Variants in DPP10 observed in about 807,000 individuals in gnomAD.
DPP10 encodes the protein dipeptidyl peptidase like 10, also known as inactive dipeptidyl peptidase 10.
Under a neutral mutation model 120.9 loss-of-function variants are expected in DPP10, and 33 were observed. The observed-to-expected ratio is 0.27, with a 90% CI of 0.21 to 0.37. The LOEUF (loss-of-function observed/expected upper bound fraction) is 0.37. DPP10 is among the 10% of genes least tolerant of loss of function. DPP10 has a pLI of 1.00. For synonymous variants in DPP10, 337 were observed against 326.1 expected (o/e 1.03, Z -0.36); for missense variants, 816 against 942.8 (o/e 0.87, Z 1.76).
chr2:114,524,552 G>A (rs1367907559), intron 1 of DPP10, among the ~76,000 whole-genome samples: 1 of 152,324 alleles, frequency 6.6e-6, no homozygotes, highest in South Asian at 2.1e-4. Context: ...AGAAAAAGAT[G>A]TATATATCAA....
intron 1 of DPP10, among the ~76,000 whole-genome samples, chr2:114,509,042 G>A (rs771241407): frequency 3.9e-5 from 6 of 152,150 alleles, no homozygotes; most frequent in Non-Finnish European, 8.8e-5. Context: ...GAGAAAGAGA[G>A]AGAGAGTGAA....
chr2:115,041,275 C>A (rs751548749), intron 1 of DPP10, among the ~76,000 whole-genome samples: 12 of 152,026 alleles, frequency 7.9e-5, no homozygotes, highest in Non-Finnish European at 1.8e-4. Flanking sequence ...ATACACCTGG[C>A]GAATGGAATT....
chr2:114,973,661 CAAAAAA>C (rs58042446), intron 1 of DPP10, among the ~76,000 whole-genome samples: 9 of 71,036 alleles, frequency 1.3e-4, no homozygotes, highest in African/African-American at 3.2e-4. Flanking sequence ...GACTCCGTCT[CAAAAAA>C]AAAAAAAAAA....
intron 1 of DPP10, among the ~76,000 whole-genome samples, chr2:114,968,153 C>A (rs1699163415): frequency 6.6e-6 from 1 of 152,176 alleles, no homozygotes; most frequent in Non-Finnish European, 1.5e-5. Context: ...GTGTGCTTAG[C>A]TCATTCCCAT....
chr2:114,533,309 A>G (rs1686199780), intron 1 of DPP10, among the ~76,000 whole-genome samples: 1 of 152,064 alleles, frequency 6.6e-6, no homozygotes, highest in Admixed American at 6.5e-5. Context: ...CCTGCTTCCT[A>G]TGTCTTGTTC....
At chr2:114,836,943 G>C (rs1448473644) in intron 1 of DPP10, among the ~76,000 whole-genome samples, 4 of 152,162 alleles carry the variant, frequency 2.6e-5, no homozygotes, top group African/African-American at 9.7e-5. Context: ...GGTCACTGGT[G>C]GTCAGAGTTT....
chr2:115,326,470 T>G (rs2062371972), intron 2 of DPP10, among the ~76,000 whole-genome samples: 1 of 152,072 alleles, frequency 6.6e-6, no homozygotes, highest in African/African-American at 2.4e-5. Flanking sequence ...ACACTTTTAT[T>G]ATTTTACAGT....
chr2:115,726,483 G>A (rs1286020177), intron 7 of DPP10, among the ~76,000 whole-genome samples: 3 of 152,176 alleles, frequency 2.0e-5, no homozygotes, highest in Admixed American at 2.0e-4. Flanking sequence ...GATTTAGAAA[G>A]GTTAAGAATG....
At chr2:114,713,543 A>G (rs1273438968) in intron 1 of DPP10, among the ~76,000 whole-genome samples, 1 of 152,188 alleles carries the variant, frequency 6.6e-6, no homozygotes, top group Non-Finnish European at 1.5e-5. Flanking sequence ...TGAACTGAAC[A>G]ATACAAAAAT....
chr2:115,718,125 C>A (rs1198153131), intron 7 of DPP10, among the ~76,000 whole-genome samples: 19 of 151,822 alleles, frequency 1.3e-4, no homozygotes, highest in Non-Finnish European at 2.8e-4. Context: ...CTGATTCTTT[C>A]TAAATTGTAA....
chr2:114,490,973 G>A (rs1324402740), intron 1 of DPP10, among the ~76,000 whole-genome samples: 1 of 152,144 alleles, frequency 6.6e-6, no homozygotes, highest in African/African-American at 2.4e-5. Flanking sequence ...CAAGCATCAT[G>A]TCAGATCCAT....
chr2:114,456,610 A>C (rs1678600204), intron 1 of DPP10, among the ~76,000 whole-genome samples: 1 of 152,232 alleles, frequency 6.6e-6, no homozygotes, highest in African/African-American at 2.4e-5. Context: ...TATGTTGTTG[A>C]ATAAAAATAG....
intron 5 of DPP10, among the ~76,000 whole-genome samples, chr2:115,558,766 C>CA (rs1160297637): frequency 6.6e-6 from 1 of 152,130 alleles, no homozygotes; most frequent in Non-Finnish European, 1.5e-5. Context: ...ACAACTGAGG[C>CA]ATCAACAAAT....
intron 1 of DPP10, among the ~76,000 whole-genome samples, chr2:115,061,645 A>G (rs2105395881): frequency 6.6e-6 from 1 of 152,334 alleles, no homozygotes; most frequent in East Asian, 1.9e-4. Flanking sequence ...ATGATTATAG[A>G]GAGAAATTAT....
chr2:114,867,597 C>T (rs1574376638), intron 1 of DPP10, among the ~76,000 whole-genome samples: 1 of 152,114 alleles, frequency 6.6e-6, no homozygotes, highest in South Asian at 2.1e-4. Flanking sequence ...CGAGCCTTGG[C>T]GTCTGTCTTA....
chr2:114,791,564 T>C (rs1247739963), intron 1 of DPP10, among the ~76,000 whole-genome samples: 1 of 152,172 alleles, frequency 6.6e-6, no homozygotes, highest in Admixed American at 6.6e-5. Flanking sequence ...AAAAGTTGGT[T>C]TGAAAATAAG....
intron 1 of DPP10, among the ~76,000 whole-genome samples, chr2:115,254,321 T>A (rs928889140): frequency 1.3e-5 from 2 of 152,142 alleles, no homozygotes; most frequent in African/African-American, 4.8e-5. Context: ...AACTCACTCA[T>A]TATGATGAAA....
At chr2:115,156,177 T>G (rs968058891) in intron 1 of DPP10, among the ~76,000 whole-genome samples, 2 of 152,236 alleles carry the variant, frequency 1.3e-5, no homozygotes, top group African/African-American at 2.4e-5. Flanking sequence ...GTGTCTTATT[T>G]CAATGTACTT....
chr2:115,001,177 A>T (rs1701414452), intron 1 of DPP10, among the ~76,000 whole-genome samples: 1 of 152,208 alleles, frequency 6.6e-6, no homozygotes, highest in Non-Finnish European at 1.5e-5. Flanking sequence ...AACTTTTTAA[A>T]TTTTCAGTGC....
Sources: gnomAD v4.1 joint callset for allele counts (sites outside exome capture counted in the v4.1 genomes callset) on GRCh38, gnomAD v4.1.1 for gene constraint, MANE v1.5 for transcripts, NCBI Gene and HGNC (gene_info 2026-07-23, HGNC 2026-07-21) for gene names.